Variants in CRYBG2 observed in about 807,000 individuals in gnomAD.
CRYBG2 encodes the protein crystallin beta-gamma domain containing 2, also known as beta/gamma crystallin domain-containing protein 2.
A neutral mutation model predicts 153.4 loss-of-function variants in CRYBG2; 106 were observed. The observed-to-expected ratio is 0.69, with a 90% CI of 0.59 to 0.81. CRYBG2 has a LOEUF of 0.81. Among genes scored for constraint, CRYBG2 ranks in the 30% least tolerant of loss-of-function variants. CRYBG2 has a pLI of 0.00. For missense variants in CRYBG2, 1,996 were observed against 2,112.0 expected, an observed-to-expected ratio of 0.95 and a Z score of 1.08; for synonymous variants, 851 against 877.8, an observed-to-expected ratio of 0.97 and a Z score of 0.54.
intron 14 of CRYBG2, among the ~76,000 whole-genome samples, chr1:26,332,350 G>T (rs2074007527): frequency 6.6e-6 from 1 of 150,674 alleles, no homozygotes; most frequent in Non-Finnish European, 1.5e-5. Flanking sequence ...GTATAATGCA[G>T]CAGTTAAGTG....
chr1:26,352,510 T>G (rs2074297399), intron 1 of CRYBG2, among the ~76,000 whole-genome samples: 1 of 152,150 alleles, frequency 6.6e-6, no homozygotes, highest in African/African-American at 2.4e-5. Flanking sequence ...CACACGTATC[T>G]TACACATTCC....
intron 5 of CRYBG2, 24 bp from the exon 6 acceptor site, chr1:26,339,453 A>C: frequency 6.2e-7 from 1 of 1,612,568 alleles, no homozygotes; most frequent in Non-Finnish European, 8.5e-7. Context: ...GGGAAAATTA[A>C]ATATAGATAA....
intron 17 of CRYBG2, 48 bp from the exon 18 acceptor site, chr1:26,324,358 C>T (rs781741288): frequency 1.9e-6 from 3 of 1,541,706 alleles, no homozygotes; most frequent in Middle Eastern, 1.8e-4. Flanking sequence ...GGAGGGATGA[C>T]CTGGGCCCCC....
At chr1:26,335,904 A>C (rs1233015812) in intron 14 of CRYBG2, among the ~76,000 whole-genome samples, 191 bp downstream of exon 14, 1 of 152,222 alleles carries the variant, frequency 6.6e-6, no homozygotes, top group African/African-American at 2.4e-5. Flanking sequence ...AGAGGAAACA[A>C]GATTTATCTT....
intron 17 of CRYBG2, among the ~76,000 whole-genome samples, chr1:26,327,926 G>A (rs2124693838): frequency 6.9e-6 from 1 of 145,618 alleles, no homozygotes; most frequent in African/African-American, 2.6e-5. Flanking sequence ...CAGCCTTTGT[G>A]GCAGAGCAAG....
In CRYBG2 at chr1:26,325,717, ATG is replaced by A. The variant is rs2073916645; in HGVS notation, c.4579-1409_4579-1408del. Among the ~76,000 whole-genome samples the A allele has an allele frequency of 6.6e-6, 1 of 152,056 alleles. No homozygotes were observed. Among genetic ancestry groups the A allele is most frequent in the African/African-American group, 2.4e-5 (1 of 41,346 alleles). On this transcript the variant is annotated intron_variant, in intron 17 of 19. Coordinates refer to ENST00000308182, the MANE Select transcript of CRYBG2 (RefSeq NM_001039775.4). This position sits in a 1 kb window ranked among gnomAD's most constrained non-coding sequence, Gnocchi z 4.1. Reference sequence around the variant, plus strand: ...GAAATACCCTCAGATGGGAACATGCATGCACACACACATACACACAGAGCCCA... The same window carrying A: ...GAAATACCCTCAGATGGGAACATGCACACACACACATACACACAGAGCCCA...
chr1:26,350,083 G>A (rs576225004), intron 1 of CRYBG2, among the ~76,000 whole-genome samples: 1 of 152,226 alleles, frequency 6.6e-6, no homozygotes, highest in African/African-American at 2.4e-5. Context: ...CCACAGTGCT[G>A]GGATTACAGG....
chr1:26,354,051 G>A lies in CRYBG2; in HGVS notation c.-71C>T. ...ACAGACCGACCTCTACTCACAGTCT[G>A]CGTGGGGACCCAGGTGTCCAGCCAG... On this transcript the variant is annotated 5_prime_UTR_variant, in exon 1 of 20. Transcript: ENST00000308182. 1 of 399,496 alleles carries A rather than the reference G, an allele frequency of 2.5e-6. No homozygotes were observed. Among genetic ancestry groups the A allele is most frequent in the Non-Finnish European group, 4.4e-6 (1 of 226,442 alleles). The allele number at this position is 399,496 out of a possible 1,614,324, so 24.7% of individuals were successfully genotyped here. A position where few individuals can be genotyped will look rare whatever the true frequency, so the allele number is the denominator to read the frequency against.
chr1:26,337,479 C>A, intron 9 of CRYBG2, 59 bp downstream of exon 9: 2 of 1,603,522 alleles, frequency 1.2e-6, no homozygotes, highest in South Asian at 2.2e-5. Flanking sequence ...GGTCACTCCC[C>A]ACTCCCAAGG....
intron 5 of CRYBG2, among the ~76,000 whole-genome samples, chr1:26,340,774 G>A (rs1406609108): frequency 2.0e-5 from 3 of 151,736 alleles, no homozygotes; most frequent in Admixed American, 1.3e-4. Flanking sequence ...CACCATGCCC[G>A]GCTAATTTTT....
In CRYBG2 at chr1:26,347,294, T is replaced by C. The variant is rs1041339035; in HGVS notation, c.-55-582A>G. 2.2e-5 allele frequency among the ~76,000 whole-genome samples: 3 copies of C among 135,660 alleles called. 1 individual carries two copies. Among genetic ancestry groups the C allele is most frequent in the Non-Finnish European group, 4.8e-5 (3 of 62,312 alleles). The allele number at this position is 135,660 out of a possible 152,430, so 89.0% of individuals were successfully genotyped here. On this transcript the variant is annotated intron_variant, in intron 1 of 19. Transcript: ENST00000308182. Reference sequence around the variant, plus strand: ...GAAACCTCCCCCTGCGTTTTTTTTTTTTTTTTTTTTTTTTTGTGAGACAGA... The same window carrying C: ...GAAACCTCCCCCTGCGTTTTTTTTTCTTTTTTTTTTTTTTTGTGAGACAGA...
chr1:26,345,508 T>G lies in CRYBG2; in HGVS notation c.1150A>C (p.Thr384Pro), dbSNP rs1385309352. ...TTTTTAGGGGGCAGAACAAGGGGAG[T>G]GAGCCGGGCCCCGGGGTGAGTGGGC... Reference protein sequence around the residue: ...VVPTHPGARLTPLVLPPKKKD... With the variant: ...VVPTHPGARLPPLVLPPKKKD... The change falls in exon 2 of 20, where the codon ACT becomes CCT. Residue 384 changes from threonine to proline, a missense_variant. By Grantham distance (38) the Thr-to-Pro change is conservative (BLOSUM62 -1). Transcript: ENST00000308182. 14 of 1,590,048 alleles carry G rather than the reference T, an allele frequency of 8.8e-6. No individual in the cohort carries two copies. The Admixed American group carries it at 2.2e-4, about 25-fold the overall frequency.
intron 1 of CRYBG2, among the ~76,000 whole-genome samples, chr1:26,353,104 G>A (rs137926725): frequency 1.3e-5 from 2 of 152,100 alleles, no homozygotes; most frequent in African/African-American, 4.8e-5. Flanking sequence ...ACAGGCACTG[G>A]AGTTATAGAA....
At chr1:26,347,523 C>T (rs2074239400) in intron 1 of CRYBG2, among the ~76,000 whole-genome samples, 1 of 151,544 alleles carries the variant, frequency 6.6e-6, no homozygotes, top group South Asian at 2.1e-4. Context: ...GAGTCTCGCT[C>T]TGTCACCTAG....
At chr1:26,331,840 C>T (rs1227269090) in intron 14 of CRYBG2, among the ~76,000 whole-genome samples, 1 of 152,132 alleles carries the variant, frequency 6.6e-6, no homozygotes, top group Non-Finnish European at 1.5e-5. Flanking sequence ...CAATATTAGG[C>T]AAAACTCCAT....
chr1:26,327,492 A>C (rs28668175), intron 17 of CRYBG2, among the ~76,000 whole-genome samples: 38,639 of 148,436 alleles, frequency 0.26, 5,251 homozygotes, highest in Non-Finnish European at 0.31. Flanking sequence ...AAAAAAAAAA[A>C]CCAAAAATTA....
rs562088350 is a variant in CRYBG2 at position 26,342,758 on chromosome 1, A to G, written c.3200T>C (p.Val1067Ala). The G allele has an allele frequency of 1.7e-5, 27 of 1,613,384 alleles. No individual in the cohort carries two copies. The highest frequency in any genetic ancestry group is 2.2e-5 in the East Asian group (1 of 44,882). ...TCCCACCTCCAACTCACTCACCCAG[A>G]CAACCCTCCTTAGGGAGCCGATGCC... Reference protein sequence around the residue: ...PQGIGSLRRVVWDYSTPEISL... With the variant: ...PQGIGSLRRVAWDYSTPEISL... Residue 1067 changes from valine (V) to alanine (A), a missense_variant, in exon 5 of 20, where the codon GTC becomes GCC. Physicochemically the swap from Val to Ala is moderately conservative, Grantham distance 64 (BLOSUM62 0). Coordinates refer to ENST00000308182, the MANE Select transcript of CRYBG2 (RefSeq NM_001039775.4).
chr1:26,322,827 T>C (rs1382149523), intron 18 of CRYBG2, among the ~76,000 whole-genome samples: 1 of 152,158 alleles, frequency 6.6e-6, no homozygotes, highest in African/African-American at 2.4e-5. Flanking sequence ...AACCTCTCAA[T>C]GGCCTACAAA....
rs11810112 is a variant in CRYBG2 at position 26,322,043 on chromosome 1, G to C, written c.4911C>G (p.Tyr1637Ter). Residue 1637 changes from tyrosine (Y) to a stop codon, truncating the protein, a stop_gained, in exon 20 of 20, where the codon TAC (tyrosine) becomes TAG (stop). Coordinates refer to ENST00000308182, the MANE Select transcript of CRYBG2 (RefSeq NM_001039775.4). LOFTEE classifies it high-confidence loss of function. ...QILDVKGGRG[Y>*]DRDHVVLWEP... ...CCCATAGCACCACGTGGTCCCGGTC[G>C]TAGCCCCGGCCTCCTGGGGGTGGGA... The C allele has an allele frequency of 2.5e-6, 4 of 1,606,530 alleles. No individual in the cohort carries two copies. Among genetic ancestry groups the C allele is most frequent in the Non-Finnish European group, 3.4e-6 (4 of 1,173,924 alleles).
Sources: gnomAD v4.1 joint callset for allele counts (sites outside exome capture counted in the v4.1 genomes callset) on GRCh38, gnomAD v4.1.1 for gene constraint, Gnocchi (gnomAD v3.1) non-coding constraint, MANE v1.5 for transcripts, NCBI Gene and HGNC (gene_info 2026-07-23, HGNC 2026-07-21) for gene names.